AHRR: variants seen among roughly 807,000 people sequenced by gnomAD.
AHRR encodes aryl hydrocarbon receptor repressor, also known as ahR repressor.
A neutral mutation model predicts 44.0 loss-of-function variants in AHRR; 28 were observed. The ratio of observed to expected loss-of-function variants is 0.64; its 90% CI spans 0.47 to 0.87. AHRR has a LOEUF of 0.87. AHRR is among the 40% of genes least tolerant of loss of function. The pLI is 0.00. For synonymous variants in AHRR, 434 were observed against 407.0 expected (o/e 1.07, Z -0.80); for missense variants, 990 against 953.9 (o/e 1.04, Z -0.50).
At chr5:365,163 T>C (rs1333324603) in intron 3 of AHRR, among the ~76,000 whole-genome samples, 1 of 151,860 alleles carries the variant, frequency 6.6e-6, no homozygotes. Context: ...TTAGTGGACA[T>C]ACATAAAGCA....
Position 388,271 on chromosome 5 carries a change from G to A in AHRR, c.351+11555G>A, listed in dbSNP as rs531210817. Among the ~76,000 whole-genome samples the A allele has an allele frequency of 3.7e-4, 56 of 152,284 alleles. No individual in the cohort carries two copies. The highest frequency in any genetic ancestry group is 1.2e-3 in the African/African-American group (49 of 41,552). On this transcript the variant is annotated intron_variant, in intron 4 of 10. Transcript: ENST00000684583. The surrounding 1 kb of genome is among the most constrained non-coding windows in gnomAD (Gnocchi z 5.2). ...GGGGCAGAAACTCAGGCCTCCCCCC[G>A]TCCCGAACCCAAGCCCTGAACTGCT...
At chr5:433,189 C>T (rs915535781) in intron 10 of AHRR, among the ~76,000 whole-genome samples, 3 of 152,138 alleles carry the variant, frequency 2.0e-5, no homozygotes, top group South Asian at 2.1e-4. Context: ...ATGTTGGGAG[C>T]GAGGATGCCC....
rs1737070523 is a variant in AHRR at position 436,431 on chromosome 5, T to C, written c.*1597T>C. 1 of 152,426 alleles carries C rather than the reference T, an allele frequency of 6.6e-6. No individual in the cohort carries two copies. Among genetic ancestry groups the C allele is most frequent in the South Asian group, 2.1e-4 (1 of 4,836 alleles). 9.4% of individuals were successfully genotyped at this position (152,426 alleles called of 1,614,324 possible). A position where few individuals can be genotyped will look rare whatever the true frequency, so the allele number is the denominator to read the frequency against. ...TCACTTTGTCAAAACCCAGGTTTGG[T>C]TGGCAGGACTGGGTCTTCTGCCCAA... is the stretch of plus-strand genomic sequence containing the variant. On this transcript the variant is annotated 3_prime_UTR_variant, in exon 11 of 11. Coordinates refer to ENST00000684583, the MANE Select transcript of AHRR (RefSeq NM_001377236.1).
At chr5:433,600 C>T (rs1736840482) in intron 10 of AHRR, among the ~76,000 whole-genome samples, 1 of 152,250 alleles carries the variant, frequency 6.6e-6, no homozygotes, top group Non-Finnish European at 1.5e-5. Flanking sequence ...AGACATCTCC[C>T]TGAAGCCTGC....
intron 1 of AHRR, among the ~76,000 whole-genome samples, chr5:329,379 A>G (rs1191937670): frequency 2.6e-5 from 4 of 152,094 alleles, no homozygotes; most frequent in African/African-American, 7.2e-5. Flanking sequence ...AAATTAAAAT[A>G]TGTTTTTGTA....
rs1737007023 is a variant in AHRR, at chr5:435,880, T to C, written c.*1046T>C. Reference sequence around the variant, plus strand: ...ATTTTCTGAGAGTAGGAAATTTGGATACAAAAGCATAAGTCAGAAAGTGAA... The same window carrying C: ...ATTTTCTGAGAGTAGGAAATTTGGACACAAAAGCATAAGTCAGAAAGTGAA... On this transcript the variant is annotated 3_prime_UTR_variant, in exon 11 of 11. Coordinates refer to ENST00000684583, the MANE Select transcript of AHRR (RefSeq NM_001377236.1). The C allele has an allele frequency of 6.5e-6, 1 of 152,704 alleles. No individual in the cohort carries two copies. The highest frequency in any genetic ancestry group is 2.4e-5 in the African/African-American group (1 of 41,442). 9.5% of individuals were successfully genotyped at this position (152,704 alleles called of 1,614,324 possible). A position where few individuals can be genotyped will look rare whatever the true frequency, so the allele number is the denominator to read the frequency against.
At chr5:390,528 G>A (rs534213728) in intron 4 of AHRR, among the ~76,000 whole-genome samples, 8 of 152,284 alleles carry the variant, frequency 5.3e-5, no homozygotes, top group South Asian at 2.1e-4. Context: ...AGCATTTGAC[G>A]TTAACGCTGA....
rs188868732 is a variant in AHRR, at chr5:435,178, C to T, written c.*344C>T. ...GTCCCATGGCTGCCAAGTCCACAGT[C>T]GGGGATGAAGCAGTCGGGTGATGCT... On this transcript the variant is annotated 3_prime_UTR_variant, in exon 11 of 11. Transcript: ENST00000684583. 7 of 272,606 alleles carry T rather than the reference C, an allele frequency of 2.6e-5. No homozygotes were observed. The highest frequency in any genetic ancestry group is 1.1e-4 in the African/African-American group (5 of 45,194). 16.9% of individuals were successfully genotyped at this position (272,606 alleles called of 1,614,324 possible). A position where few individuals can be genotyped will look rare whatever the true frequency, so the allele number is the denominator to read the frequency against.
intron 1 of AHRR, among the ~76,000 whole-genome samples, chr5:336,822 G>T (rs1742153072): frequency 6.6e-6 from 1 of 152,026 alleles, no homozygotes; most frequent in African/African-American, 2.4e-5. Flanking sequence ...GTCAATTTTA[G>T]GTTAATTTTT....
At position 424,004 on chromosome 5, in the gene AHRR, G is replaced by A. The variant is rs1736260011; in HGVS notation, c.708+27G>A. 3.2e-6 allele frequency: 5 copies of A among 1,586,634 alleles called. No homozygotes were observed. The African/African-American group carries it at 4.0e-5, about 13-fold the overall frequency. On this transcript the variant is annotated intron_variant, in intron 7 of 10. Transcript: ENST00000684583. ...TGAGTGCGTGGGTCCCTGGCAGGGG[G>A]CTCCCGACATCTGGGATGCATTCTA...
chr5:353,961 C>T (rs1348581581), intron 3 of AHRR, 50 bp downstream of exon 3: 1 of 1,559,856 alleles, frequency 6.4e-7, no homozygotes, highest in Middle Eastern at 1.8e-4. Flanking sequence ...GGCTGTGTCT[C>T]CCCTGAGTCC....
Position 377,087 on chromosome 5 carries a change from A to G in AHRR, c.351+371A>G, listed in dbSNP as rs150122856. On this transcript the variant is annotated intron_variant, in intron 4 of 10. Transcript: ENST00000684583. Reference sequence around the variant, plus strand: ...CAAAATGAAGGATTTGGCAAAGTCTACACTGGGCTTCCCTGGTGTGGTTTC... The same window carrying G: ...CAAAATGAAGGATTTGGCAAAGTCTGCACTGGGCTTCCCTGGTGTGGTTTC... 2.2e-4 allele frequency among the ~76,000 whole-genome samples: 33 copies of G among 152,206 alleles called. No homozygotes were observed. In the East Asian group the frequency reaches 5.8e-3, roughly 27 times the overall value.
intron 4 of AHRR, among the ~76,000 whole-genome samples, chr5:386,491 A>T (rs1387240289): frequency 1.3e-5 from 2 of 152,260 alleles, no homozygotes; most frequent in East Asian, 3.8e-4. Flanking sequence ...GAGATGTGGC[A>T]ACAGAAGAAG....
chr5:347,877 T>C (rs1192633903), intron 2 of AHRR, among the ~76,000 whole-genome samples: 1 of 152,248 alleles, frequency 6.6e-6, no homozygotes, highest in South Asian at 2.1e-4. Flanking sequence ...CCATCCCAGC[T>C]GTGGCCCTTG....
intron 4 of AHRR, among the ~76,000 whole-genome samples, chr5:384,656 A>C (rs899713284): frequency 6.6e-6 from 1 of 152,094 alleles, no homozygotes; most frequent in African/African-American, 2.4e-5. Flanking sequence ...CCCTGACCTC[A>C]GGTGATCTGC....
chr5:399,928 C>G (rs747770166), intron 4 of AHRR, among the ~76,000 whole-genome samples: 1 of 152,266 alleles, frequency 6.6e-6, no homozygotes, highest in Non-Finnish European at 1.5e-5. Context: ...GATCTATAAA[C>G]AGCCAGTTAT....
chr5:396,318 C>T (rs1396999724), intron 4 of AHRR, among the ~76,000 whole-genome samples: 1 of 152,132 alleles, frequency 6.6e-6, no homozygotes, highest in South Asian at 2.1e-4. Context: ...TCCCACACCC[C>T]CCTTTGTCCC....
chr5:422,160 C>T (rs368657830), intron 5 of AHRR, among the ~76,000 whole-genome samples: 2 of 152,270 alleles, frequency 1.3e-5, no homozygotes, highest in East Asian at 3.9e-4. Flanking sequence ...CTTCGTGGCC[C>T]GCAGTGTCAG....
Position 422,015 on chromosome 5 carries a change from C to T in AHRR, c.442-714C>T, listed in dbSNP as rs181469551. The stretch of plus-strand genomic sequence containing the variant: ...TTAATTATTCGGGGCTGGCGGGTGG[C>T]GGGCCAGGCTCCAGGTGCAGATGCC... On this transcript the variant is annotated intron_variant, in intron 5 of 10. Transcript: ENST00000684583. Among the ~76,000 whole-genome samples, 25 of 152,194 alleles carry T rather than the reference C, an allele frequency of 1.6e-4. No individual in the cohort carries two copies. In the East Asian group the frequency reaches 3.5e-3, roughly 21 times the overall value.
Sources: allele counts gnomAD v4.1 joint callset (sites outside exome capture counted in the v4.1 genomes callset), GRCh38; gene constraint gnomAD v4.1.1; non-coding constraint Gnocchi (gnomAD v3.1); transcripts MANE v1.5; gene names NCBI Gene and HGNC (gene_info 2026-07-23, HGNC 2026-07-21).